CNTN1: variants seen among roughly 807,000 people sequenced by gnomAD.
CNTN1 encodes the protein contactin 1, also known as contactin-1.
Under a neutral mutation model 126.4 loss-of-function variants are expected in CNTN1, and 38 were observed. That is an observed-to-expected ratio of 0.30 (90% CI 0.23 to 0.39). CNTN1 has a LOEUF of 0.39. Ranked by LOEUF, CNTN1 falls within the 10% of genes least tolerant of loss-of-function variation. CNTN1 has a pLI of 1.00. For missense variants in CNTN1, 1,009 were observed against 1,248.4 expected (o/e 0.81, Z 2.89); for synonymous variants, 413 against 422.6 (o/e 0.98, Z 0.28).
In CNTN1 at chr12:40,721,915, T is replaced by G. The variant is rs1011781822; in HGVS notation, c.-77+29323T>G. Among the ~76,000 whole-genome samples, 33 of 150,654 alleles carry G rather than the reference T, an allele frequency of 2.2e-4. 1 individual carries two copies. The East Asian group carries it at 4.9e-3, about 22-fold the overall frequency. On this transcript the variant is annotated intron_variant, in intron 1 of 23. Coordinates refer to ENST00000551295, the MANE Select transcript of CNTN1 (RefSeq NM_001843.4). ...TTTATGGCTGCATAGTATTCCATGG[T>G]GTATATGTGCCACATTTTCTTAATC...
chr12:40,836,365 A>G (rs1473257994), intron 1 of CNTN1, among the ~76,000 whole-genome samples: 1 of 151,180 alleles, frequency 6.6e-6, no homozygotes, highest in African/African-American at 2.4e-5. Flanking sequence ...TTCATGTAAT[A>G]TATGTGTATA....
Position 41,013,703 on chromosome 12 carries a change from AC to A in CNTN1, c.2114-524del, listed in dbSNP as rs1756125822. On this transcript the variant is annotated intron_variant, in intron 17 of 23. Transcript: ENST00000551295. ...TGATACTACAAGATGATATAAGAGA[AC>A]GGGGGAGAGAGTACTTTGGAGTCAC... 4.6e-5 allele frequency among the ~76,000 whole-genome samples: 7 copies of A among 152,320 alleles called. No individual in the cohort carries two copies. In the South Asian group the frequency reaches 1.2e-3, roughly 27 times the overall value.
At chr12:40,873,740 A>G (rs1414725689) in intron 1 of CNTN1, among the ~76,000 whole-genome samples, 2 of 152,190 alleles carry the variant, frequency 1.3e-5, no homozygotes, top group African/African-American at 4.8e-5. Flanking sequence ...AACCCAAAAC[A>G]TAATTCAATT....
At chr12:40,868,925 T>A (rs1943396047) in intron 1 of CNTN1, among the ~76,000 whole-genome samples, 1 of 152,132 alleles carries the variant, frequency 6.6e-6, no homozygotes, top group African/African-American at 2.4e-5. Context: ...TTCTCAGTTT[T>A]GCTTGAGTTA....
intron 19 of CNTN1, among the ~76,000 whole-genome samples, chr12:41,019,105 G>A (rs565836651): frequency 4.6e-5 from 7 of 152,258 alleles, no homozygotes; most frequent in South Asian, 2.1e-4. Context: ...GTGGTGAACC[G>A]AGATCGCGCC....
At chr12:40,733,701 T>A (rs1235690174) in intron 1 of CNTN1, among the ~76,000 whole-genome samples, 1 of 152,020 alleles carries the variant, frequency 6.6e-6, no homozygotes, top group East Asian at 1.9e-4. Flanking sequence ...TATTTTATAT[T>A]TAAAAAGAAT....
chr12:40,828,075 T>G (rs1453604497), intron 1 of CNTN1: 1 of 152,196 alleles, frequency 6.6e-6, no homozygotes, highest in African/African-American at 2.4e-5. Context: ...TTTGAAAGTA[T>G]TGCTATGTAG....
chr12:40,861,753 A>G (rs312281), intron 1 of CNTN1, among the ~76,000 whole-genome samples: 96,623 of 151,956 alleles, frequency 0.64, 31,206 homozygotes, highest in African/African-American at 0.76. Flanking sequence ...AGTTTACAAT[A>G]TGTATCTTTA....
chr12:40,742,300 TAAAAGC>T (rs1301253557), intron 1 of CNTN1: 2 of 152,134 alleles, frequency 1.3e-5, no homozygotes, highest in Non-Finnish European at 2.9e-5. Flanking sequence ...GGGCTAAAAC[TAAAAGC>T]ATTTGGTAGA....
rs141393544 is a variant in CNTN1 at position 40,751,304 on chromosome 12, A to G, written c.-77+58712A>G. ...GGATGTTAATAGTTTAAACTGAGTCAGAGGAAGTTTTATGTTTTTATAAAA... is the reference window on the plus strand; with the variant it reads ...GGATGTTAATAGTTTAAACTGAGTCGGAGGAAGTTTTATGTTTTTATAAAA... On this transcript the variant is annotated intron_variant, in intron 1 of 23. Transcript: ENST00000551295. Among the ~76,000 whole-genome samples, 21 of 152,208 alleles carry G rather than the reference A, an allele frequency of 1.4e-4. No individual in the cohort carries two copies. In the East Asian group the frequency reaches 3.9e-3, roughly 28 times the overall value.
At chr12:40,880,079 GA>G (rs1465698732) in intron 1 of CNTN1, among the ~76,000 whole-genome samples, 1 of 151,844 alleles carries the variant, frequency 6.6e-6, no homozygotes, top group Non-Finnish European at 1.5e-5. Flanking sequence ...TACTCTCAAG[GA>G]ACAAATTTAT....
At chr12:41,011,647 T>C (rs911252256) in intron 17 of CNTN1, among the ~76,000 whole-genome samples, 8 of 152,176 alleles carry the variant, frequency 5.3e-5, no homozygotes, top group Non-Finnish European at 5.9e-5. Context: ...GCAACTCTAG[T>C]CCTCTGCCTA....
intron 6 of CNTN1, among the ~76,000 whole-genome samples, chr12:40,925,529 TTGTG>T (rs34980396): frequency 0.014 from 1,950 of 141,254 alleles, 19 homozygotes; most frequent in Non-Finnish European, 0.02. Flanking sequence ...CCACATGAAA[TTGTG>T]TGTGTGTGTG....
chr12:40,992,247 G>A (rs1252637893), intron 16 of CNTN1, among the ~76,000 whole-genome samples: 2 of 152,124 alleles, frequency 1.3e-5, no homozygotes, highest in Admixed American at 1.3e-4. Flanking sequence ...AGTAGAAACT[G>A]GACCCTGGGG....
intron 1 of CNTN1, among the ~76,000 whole-genome samples, chr12:40,818,384 C>G (rs1207365904): frequency 6.6e-6 from 1 of 151,902 alleles, no homozygotes; most frequent in Non-Finnish European, 1.5e-5. Flanking sequence ...CTTTTTTTCT[C>G]TATTCTTGTC....
intron 1 of CNTN1, among the ~76,000 whole-genome samples, chr12:40,743,133 G>A (rs1181739405): frequency 3.9e-5 from 6 of 152,014 alleles, no homozygotes; most frequent in Non-Finnish European, 8.8e-5. Flanking sequence ...GAATAATTGG[G>A]ACAGTTTTCT....
At chr12:41,039,501 T>C (rs1258877637) in intron 23 of CNTN1, among the ~76,000 whole-genome samples, 2 of 152,164 alleles carry the variant, frequency 1.3e-5, no homozygotes, top group South Asian at 4.1e-4. Flanking sequence ...CAGAATCATC[T>C]ACTGAAAATA....
In CNTN1 at chr12:40,756,643, C is replaced by T. The variant is rs192863846; in HGVS notation, c.-77+64051C>T. ...AAAGGCATTTGCACTAGGTGTTCCC[C>T]GAGCCTAGAATGCTTTCCCCTAGAT... is the stretch of plus-strand genomic sequence containing the variant. On this transcript the variant is annotated intron_variant, in intron 1 of 23. Transcript: ENST00000551295. 1.2e-3 allele frequency among the ~76,000 whole-genome samples: 185 copies of T among 152,132 alleles called. 2 individuals are homozygous for T. Among genetic ancestry groups the T allele is most frequent in the Admixed American group, 0.011 (167 of 15,270 alleles).
At chr12:40,847,737 T>A (rs960334018) in intron 1 of CNTN1, among the ~76,000 whole-genome samples, 3 of 152,226 alleles carry the variant, frequency 2.0e-5, no homozygotes, top group African/African-American at 7.2e-5. Context: ...AATTACAGCC[T>A]GAAGGAGTGG....
Sources: allele counts gnomAD v4.1 joint callset (sites outside exome capture counted in the v4.1 genomes callset), GRCh38; gene constraint gnomAD v4.1.1; transcripts MANE v1.5; gene names NCBI Gene and HGNC (gene_info 2026-07-23, HGNC 2026-07-21).